CYTH1: variants seen among roughly 807,000 people sequenced by gnomAD.
CYTH1 encodes cytohesin 1, also known as cytohesin-1.
CYTH1 carries 18 observed loss-of-function variants against 61.8 expected under a neutral mutation model. The observed-to-expected ratio is 0.29, with a 90% CI of 0.20 to 0.43. The LOEUF (loss-of-function observed/expected upper bound fraction) is 0.43. CYTH1 is among the 20% of genes least tolerant of loss of function. The pLI, the probability that CYTH1 is intolerant of heterozygous loss-of-function variation, is 1.00. For synonymous variants in CYTH1, 174 were observed against 184.3 expected, an observed-to-expected ratio of 0.94 and a Z score of 0.45; for missense variants, 336 against 510.5, an observed-to-expected ratio of 0.66 and a Z score of 3.29.
chr17:78,747,033 C>T (rs2093361924), intron 1 of CYTH1, among the ~76,000 whole-genome samples: 1 of 149,966 alleles, frequency 6.7e-6, no homozygotes, highest in Admixed American at 6.7e-5. Context: ...GTCTGTTGAA[C>T]TGTGCCAAGC....
At chr17:78,765,207 G>T (rs536092579) in intron 1 of CYTH1, among the ~76,000 whole-genome samples, 1 of 152,172 alleles carries the variant, frequency 6.6e-6, no homozygotes, top group Admixed American at 6.5e-5. Context: ...CAGGATCACC[G>T]GGAGGCCCTC....
At chr17:78,707,501 T>C (rs1002067149) in intron 3 of CYTH1, among the ~76,000 whole-genome samples, 6 of 152,148 alleles carry the variant, frequency 3.9e-5, no homozygotes, top group East Asian at 1.9e-4. Flanking sequence ...TCCTCAGACA[T>C]GACTGGACAC....
intron 1 of CYTH1, 123 bp from the exon 2 acceptor site, chr17:78,709,855 C>CT: frequency 2.6e-6 from 2 of 779,570 alleles, no homozygotes; most frequent in Non-Finnish European, 4.2e-6. Context: ...TCAGAAATGA[C>CT]TGAGTGATAG....
chr17:78,754,017 A>G (rs1316321633), intron 1 of CYTH1, among the ~76,000 whole-genome samples: 1 of 152,150 alleles, frequency 6.6e-6, no homozygotes, highest in Non-Finnish European at 1.5e-5. Context: ...GGCTGATGGC[A>G]TGCTAGGATC....
At chr17:78,751,491 A>G (rs538592809) in intron 1 of CYTH1, among the ~76,000 whole-genome samples, 1 of 151,504 alleles carries the variant, frequency 6.6e-6, no homozygotes, top group Admixed American at 6.6e-5. Context: ...AAAAAAATGT[A>G]ATGCTAAATA....
At position 78,698,279 on chromosome 17, in the gene CYTH1, T is replaced by C. The variant is rs768353903; in HGVS notation, c.801A>G (p.Leu267=). ...TFFNPDREGW[L]LKLGGGRVKT... ...CAGAGGTGCGCTTACCGAGTTTCAA[T>C]AGCCAGCCTTCTCGGTCTGGATTGA... The change falls in exon 9 of 14, where the codon CTA becomes CTG. Residue 267 remains leucine (L), a synonymous_variant. Transcript: ENST00000446868. 2.5e-6 allele frequency: 4 copies of C among 1,613,232 alleles called. No homozygotes were observed. The highest frequency in any genetic ancestry group is 3.3e-5 in the Admixed American group (2 of 59,794).
At chr17:78,693,692 T>A (rs62075564) in intron 10 of CYTH1, among the ~76,000 whole-genome samples, 4,905 of 150,248 alleles carry the variant, frequency 0.033, 120 homozygotes, top group Non-Finnish European at 0.05. Flanking sequence ...GAGACAGACA[T>A]GAAGGAAGGA....
rs117899273 is a variant in CYTH1, at chr17:78,769,202, T to C, written c.22+13000A>G. Among the ~76,000 whole-genome samples, 580 of 151,362 alleles carry C rather than the reference T, an allele frequency of 3.8e-3. 2 individuals are homozygous for C. Among genetic ancestry groups the C allele is most frequent in the African/African-American group, 0.013 (545 of 41,228 alleles). ...AATATCCCTGGTTTAAACCCTCTCA[T>C]AGCTCCGTGTCCCACAGAATAAGTC... is the stretch of plus-strand genomic sequence containing the variant. On this transcript the variant is annotated intron_variant, in intron 1 of 13. Transcript: ENST00000446868.
intron 1 of CYTH1, among the ~76,000 whole-genome samples, chr17:78,718,716 A>G (rs1251841760): frequency 1.3e-5 from 2 of 152,222 alleles, no homozygotes; most frequent in East Asian, 3.8e-4. Context: ...AATGTTCAAC[A>G]AACTGCTAAT....
Position 78,702,222 on chromosome 17 carries a change from C to T in CYTH1, c.256G>A (p.Glu86Lys). The change falls in exon 5 of 14, where the codon GAG becomes AAG. Residue 86 changes from glutamate (E) to lysine (K), a missense_variant. This residue lies in a region of CYTH1 where 112 missense variants were observed against 127.1 expected (regional missense o/e 0.88). Coordinates refer to ENST00000446868, the MANE Select transcript of CYTH1 (RefSeq NM_004762.6). ...CAAGTGTTCTTCAGGAGGTCGTTCT[C>T]TATTAAGAACTGGATCCCCTAGAAA... ...DPKKGIQFLI[E>K]NDLLKNTCED... 6.2e-7 allele frequency: 1 copy of T among 1,613,912 alleles called. No homozygotes were observed. The highest frequency in any genetic ancestry group is 8.5e-7 in the Non-Finnish European group (1 of 1,179,876).
rs1408010913 is a variant in CYTH1, at chr17:78,717,625, C to T, written c.23-7893G>A. Among the ~76,000 whole-genome samples, 2 of 152,150 alleles carry T rather than the reference C, an allele frequency of 1.3e-5. No homozygotes were observed. Among genetic ancestry groups the T allele is most frequent in the African/African-American group, 4.8e-5 (2 of 41,424 alleles). ...CCTCTTTCCAAGCCAGAGGACGATA[C>T]ATGAGCACACGGCGGGCTCTAGTCT... On this transcript the variant is annotated intron_variant, in intron 1 of 13. Transcript: ENST00000446868. The surrounding 1 kb of genome is among the most constrained non-coding windows in gnomAD (Gnocchi z 4.4).
chr17:78,748,546 G>C (rs2093367906), intron 1 of CYTH1, among the ~76,000 whole-genome samples: 1 of 152,186 alleles, frequency 6.6e-6, no homozygotes, highest in South Asian at 2.1e-4. Flanking sequence ...TATTACTTGA[G>C]AGAATACAGG....
At chr17:78,718,242 C>T in intron 1 of CYTH1, among the ~76,000 whole-genome samples, 1 of 151,278 alleles carries the variant, frequency 6.6e-6, no homozygotes, top group African/African-American at 2.4e-5. Flanking sequence ...CACACACACA[C>T]ACACACACAC....
chr17:78,767,540 T>C (rs1373935295), intron 1 of CYTH1, among the ~76,000 whole-genome samples: 1 of 151,638 alleles, frequency 6.6e-6, no homozygotes. Flanking sequence ...AACGGATGAA[T>C]AGATGAACAA....
intron 5 of CYTH1, 136 bp downstream of exon 5, chr17:78,701,986 C>A: frequency 1.2e-6 from 1 of 804,246 alleles, no homozygotes; most frequent in African/African-American, 1.7e-5. Flanking sequence ...AGAAAAGCCT[C>A]CCCTCAACTC....
intron 9 of CYTH1, 82 bp downstream of exon 9, chr17:78,698,179 GCGCACACA>G (rs1221362755): frequency 1.5e-5 from 16 of 1,056,750 alleles, no homozygotes; most frequent in South Asian, 4.0e-5. Context: ...ACACGCACAC[GCGCACACA>G]CGCACGCACG....
chr17:78,772,079 A>G (rs2093473576), intron 1 of CYTH1, among the ~76,000 whole-genome samples: 1 of 152,208 alleles, frequency 6.6e-6, no homozygotes, highest in Non-Finnish European at 1.5e-5. Flanking sequence ...CTGAAACTAA[A>G]TTGCAACAAT....
intron 11 of CYTH1, among the ~76,000 whole-genome samples, chr17:78,690,483 C>T (rs1398567149): frequency 7.0e-6 from 1 of 142,990 alleles, no homozygotes; most frequent in East Asian, 2.1e-4. Context: ...AGTTCAAGAC[C>T]AGCCTGGCCA....
At chr17:78,757,417 C>T (rs1046208430) in intron 1 of CYTH1, among the ~76,000 whole-genome samples, 1 of 152,000 alleles carries the variant, frequency 6.6e-6, no homozygotes, top group Non-Finnish European at 1.5e-5. Flanking sequence ...GAACTCTATT[C>T]ATGTCTAAAT....
Sources: allele counts gnomAD v4.1 joint callset (sites outside exome capture counted in the v4.1 genomes callset), GRCh38; gene constraint gnomAD v4.1.1; regional missense constraint gnomAD v4.1.1; non-coding constraint Gnocchi (gnomAD v3.1); transcripts MANE v1.5; gene names NCBI Gene and HGNC (gene_info 2026-07-23, HGNC 2026-07-21).